The following BRINP3 variants were observed in gnomAD, a reference collection of about 807,000 sequenced individuals.
The protein encoded by BRINP3 is BMP/retinoic acid-inducible neural-specific protein 3.
Under a neutral mutation model 71.0 loss-of-function variants are expected in BRINP3, and 19 were observed. The observed-to-expected ratio is 0.27, with a 90% CI of 0.19 to 0.39. BRINP3 has a LOEUF of 0.39. Ranked by LOEUF, BRINP3 falls within the 10% of genes least tolerant of loss-of-function variation. The pLI is 1.00. For synonymous variants in BRINP3, 380 were observed against 337.7 expected, an observed-to-expected ratio of 1.13 and a Z score of -1.37; for missense variants, 959 against 940.8, an observed-to-expected ratio of 1.02 and a Z score of -0.25.
intron 7 of BRINP3, among the ~76,000 whole-genome samples, chr1:190,124,511 A>C (rs1044709309): frequency 6.6e-6 from 1 of 152,086 alleles, no homozygotes; most frequent in African/African-American, 2.4e-5. Flanking sequence ...CACAATGTAC[A>C]ATGCGTAGAA....
In BRINP3 at chr1:190,200,770, G is replaced by A. The variant is rs192115248; in HGVS notation, c.961+25312C>T. On this transcript the variant is annotated intron_variant, in intron 6 of 7. Transcript: ENST00000367462. Reference sequence around the variant, plus strand: ...GTGGATGGTTTCATGAGATATCATGGTTATAAAAAACAGGAGTATCTCAGC... The same window carrying A: ...GTGGATGGTTTCATGAGATATCATGATTATAAAAAACAGGAGTATCTCAGC... Among the ~76,000 whole-genome samples the A allele has an allele frequency of 1.4e-4, 22 of 152,036 alleles. 1 individual carries two copies. Among genetic ancestry groups the A allele is most frequent in the African/African-American group, 5.3e-4 (22 of 41,404 alleles).
At chr1:190,134,637 A>G (rs1571799140) in intron 7 of BRINP3, among the ~76,000 whole-genome samples, 1 of 152,084 alleles carries the variant, frequency 6.6e-6, no homozygotes, top group East Asian at 1.9e-4. Context: ...GACAGGCAGG[A>G]GTCATACAAA....
At chr1:190,303,068 A>G (rs1176899917) in intron 2 of BRINP3, among the ~76,000 whole-genome samples, 2 of 151,822 alleles carry the variant, frequency 1.3e-5, no homozygotes, top group East Asian at 1.9e-4. Flanking sequence ...TACACTTATA[A>G]AAACATAACG....
At chr1:190,293,459 AT>A (rs1052415042) in intron 2 of BRINP3, among the ~76,000 whole-genome samples, 2 of 152,034 alleles carry the variant, frequency 1.3e-5, no homozygotes, top group African/African-American at 4.8e-5. Flanking sequence ...TCCTGAAGAT[AT>A]TCCATGTGTT....
In BRINP3 at chr1:190,160,824, T is replaced by C. The variant is rs201551652; in HGVS notation, c.1028A>G (p.His343Arg). 12 of 1,613,606 alleles carry C rather than the reference T, an allele frequency of 7.4e-6. No homozygotes were observed. Among genetic ancestry groups the C allele is most frequent in the Non-Finnish European group, 1.0e-5 (12 of 1,179,690 alleles). The change falls in exon 7 of 8, where the codon CAT (histidine) becomes CGT (arginine). Residue 343 changes from histidine to arginine, a missense_variant. Transcript: ENST00000367462. ...AAAATTAGAATCCATTGTCCACAAA[T>C]GCATTATAGTAGATGTGTTGAGGAA... is the stretch of plus-strand genomic sequence containing the variant. ...NYFLNTSTIM[H>R]LWTMDSNFQR...
intron 6 of BRINP3, among the ~76,000 whole-genome samples, chr1:190,203,156 C>G (rs1655156326): frequency 6.6e-6 from 1 of 151,960 alleles, no homozygotes. Flanking sequence ...GTATTACTCT[C>G]TTTCACAAAG....
chr1:190,334,486 G>A (rs1003644791), intron 2 of BRINP3, among the ~76,000 whole-genome samples: 6 of 151,482 alleles, frequency 4.0e-5, no homozygotes, highest in East Asian at 3.9e-4. Flanking sequence ...ATATATTATC[G>A]CTGGAGGGAG....
chr1:190,364,484 G>A (rs1335498527), intron 2 of BRINP3, among the ~76,000 whole-genome samples: 1 of 151,952 alleles, frequency 6.6e-6, no homozygotes, highest in Non-Finnish European at 1.5e-5. Flanking sequence ...AAAGAGACAG[G>A]AACTTGGCAA....
At chr1:190,151,532 A>G (rs1232416040) in intron 7 of BRINP3, among the ~76,000 whole-genome samples, 1 of 152,230 alleles carries the variant, frequency 6.6e-6, no homozygotes, top group Non-Finnish European at 1.5e-5. Flanking sequence ...TCTCACTTAA[A>G]GTAACTCTCT....
At chr1:190,285,593 T>C (rs1663359191) in intron 2 of BRINP3, among the ~76,000 whole-genome samples, 2 of 152,062 alleles carry the variant, frequency 1.3e-5, no homozygotes, top group South Asian at 4.1e-4. Context: ...GATTATTTGA[T>C]TTGCTTATTT....
At chr1:190,277,175 T>A (rs1281449552) in intron 3 of BRINP3, among the ~76,000 whole-genome samples, 1 of 145,436 alleles carries the variant, frequency 6.9e-6, no homozygotes, top group Non-Finnish European at 1.5e-5. Flanking sequence ...AAATTGTTTT[T>A]TGTAAACAAT....
Position 190,257,593 on chromosome 1 carries a change from T to A in BRINP3, c.618+7272A>T, listed in dbSNP as rs565105148. On this transcript the variant is annotated intron_variant, in intron 4 of 7. Coordinates refer to ENST00000367462, the MANE Select transcript of BRINP3 (RefSeq NM_199051.3). The stretch of plus-strand genomic sequence containing the variant: ...ATAATTTACAGCTTTTCTGCTCTGG[T>A]TTCTCCCCATCTTTCTAGTTTTATC... Among the ~76,000 whole-genome samples the A allele has an allele frequency of 6.6e-5, 10 of 152,310 alleles. No homozygotes were observed. The South Asian group carries it at 2.1e-3, about 32-fold the overall frequency.
chr1:190,456,266 T>A (rs1675980326), intron 1 of BRINP3, among the ~76,000 whole-genome samples: 1 of 152,182 alleles, frequency 6.6e-6, no homozygotes, highest in South Asian at 2.1e-4. Flanking sequence ...AAAGCAGTGA[T>A]ACAATGAGTG....
chr1:190,384,102 T>C lies in BRINP3; in HGVS notation c.236+70553A>G, dbSNP rs1670724116. Among the ~76,000 whole-genome samples, 4 of 151,740 alleles carry C rather than the reference T, an allele frequency of 2.6e-5. No homozygotes were observed. The South Asian group carries it at 8.3e-4, about 31-fold the overall frequency. ...GTCATATGGTTTCATATATATCATATAATTTAACATTATTTTAATAATGAG... is the reference window on the plus strand; with the variant it reads ...GTCATATGGTTTCATATATATCATACAATTTAACATTATTTTAATAATGAG... On this transcript the variant is annotated intron_variant, in intron 2 of 7. Transcript: ENST00000367462.
At chr1:190,230,114 TAAAAGG>T (rs1657821302) in intron 5 of BRINP3, among the ~76,000 whole-genome samples, 1 of 151,668 alleles carries the variant, frequency 6.6e-6, no homozygotes, top group South Asian at 2.1e-4. Flanking sequence ...AGAATACGTT[TAAAAGG>T]AATAAAAGGG....
chr1:190,463,519 G>A (rs1346268432), intron 1 of BRINP3, among the ~76,000 whole-genome samples: 2 of 151,620 alleles, frequency 1.3e-5, no homozygotes, highest in African/African-American at 4.8e-5. Context: ...GCTCTTTTAG[G>A]ACATCAGTCA....
chr1:190,444,856 T>C lies in BRINP3; in HGVS notation c.236+9799A>G, dbSNP rs1341810983. 2.6e-5 allele frequency among the ~76,000 whole-genome samples: 4 copies of C among 152,224 alleles called. No homozygotes were observed. The East Asian group carries it at 7.7e-4, about 29-fold the overall frequency. ...GGCCAAAAATAGTAGGCTTTTTATA[T>C]TGCCTTTGTTTACTGGGAAATTTGG... On this transcript the variant is annotated intron_variant, in intron 2 of 7. Transcript: ENST00000367462.
chr1:190,341,474 C>G (rs150090090), intron 2 of BRINP3, among the ~76,000 whole-genome samples: 24 of 151,688 alleles, frequency 1.6e-4, no homozygotes, highest in African/African-American at 5.6e-4. Context: ...CACTTCAAAA[C>G]GCAATTTTAT....
At chr1:190,209,685 A>G (rs1055513945) in intron 6 of BRINP3, among the ~76,000 whole-genome samples, 1 of 152,146 alleles carries the variant, frequency 6.6e-6, no homozygotes, top group Non-Finnish European at 1.5e-5. Context: ...GAGATCTGAT[A>G]ATCAAATAGA....
Sources: gnomAD v4.1 joint callset for allele counts (sites outside exome capture counted in the v4.1 genomes callset) on GRCh38, gnomAD v4.1.1 for gene constraint, MANE v1.5 for transcripts, NCBI Gene and HGNC (gene_info 2026-07-23, HGNC 2026-07-21) for gene names.